The following PLCD3 variants were observed in gnomAD, a reference collection of about 807,000 sequenced individuals.
PLCD3 encodes phospholipase C delta 3.
Under a neutral mutation model 82.8 loss-of-function variants are expected in PLCD3, and 62 were observed. The ratio of observed to expected loss-of-function variants is 0.75; its 90% CI spans 0.61 to 0.93. PLCD3 has a LOEUF of 0.93. Ranked by LOEUF, PLCD3 falls within the 40% of genes least tolerant of loss-of-function variation. The pLI is 0.00. For missense variants in PLCD3, 1,023 were observed against 1,103.4 expected, an observed-to-expected ratio of 0.93 and a Z score of 1.03; for synonymous variants, 478 against 471.8, an observed-to-expected ratio of 1.01 and a Z score of -0.17.
Position 45,118,064 on chromosome 17 carries a change from T to C in PLCD3, c.1190A>G (p.His397Arg), listed in dbSNP as rs779333500. The C allele has an allele frequency of 8.7e-6, 14 of 1,613,818 alleles. No individual in the cohort carries two copies. The highest frequency in any genetic ancestry group is 1.2e-5 in the Non-Finnish European group (14 of 1,179,838). The change falls in exon 7 of 15, where the codon CAT becomes CGT. Residue 397 changes from histidine to arginine, a missense_variant. This residue lies in a region of PLCD3 where 553 missense variants were observed against 655.7 expected (regional missense o/e 0.84). Transcript: ENST00000619929. The surrounding 1 kb of genome is among the most constrained non-coding windows in gnomAD (Gnocchi z 4.1). ...EGPGGEPVIY[H>R]GHTLTSKILF... ...AATCTTGGAGGTGAGGGTATGGCCA[T>C]GATAGATGACGGGCTCCCCTCCTGG...
rs749568520 is a variant in PLCD3 at position 45,120,297 on chromosome 17, G to A, written c.684+28C>T. ...AGAGGTCAGAGTGATGGCAGAGCCA[G>A]GGGCTGGGGTTCAGGGCGGAAGCCC... On this transcript the variant is annotated intron_variant, in intron 4 of 14. Transcript: ENST00000619929. 4 of 1,613,464 alleles carry A rather than the reference G, an allele frequency of 2.5e-6. No homozygotes were observed. The East Asian group carries it at 8.9e-5, about 36-fold the overall frequency.
At position 45,113,027 on chromosome 17, in the gene PLCD3, T is replaced by C. The variant is rs2054259297; in HGVS notation, c.2132-15A>G. 5 of 1,602,172 alleles carry C rather than the reference T, an allele frequency of 3.1e-6. No individual in the cohort carries two copies. The highest frequency in any genetic ancestry group is 4.3e-6 in the Non-Finnish European group (5 of 1,172,548). ...GGGGTTGAAGCCTAGGGCACAGGGA[T>C]GGCAGTCAGAGCCCAGGGGCCCCAG... On this transcript the variant is annotated splice_polypyrimidine_tract_variant and intron_variant, in intron 13 of 14. Transcript: ENST00000619929.
intron 8 of PLCD3, among the ~76,000 whole-genome samples, chr17:45,116,283 T>C (rs2054290887): frequency 6.6e-6 from 1 of 152,024 alleles, no homozygotes; most frequent in African/African-American, 2.4e-5. Flanking sequence ...TTGGCAAGTG[T>C]GGATGGCCGA....
chr17:45,121,349 G>C lies in PLCD3; in HGVS notation c.187C>G (p.Arg63Gly), dbSNP rs1448887089. The change falls in exon 2 of 15, where the codon CGC (arginine) becomes GGC (glycine). Residue 63 changes from arginine to glycine, a missense_variant. Around this residue, in one of 3 missense-constraint regions of PLCD3, gnomAD observed 448 missense variants for 406.3 expected, o/e 1.10. Coordinates refer to ENST00000619929, the MANE Select transcript of PLCD3 (RefSeq NM_133373.5). The part of the protein sequence containing the change: ...KMGLTEDEDV[R>G]AMLRGSRLRK... ...AGCCGGGAGCCCCGCAGCATGGCGCGCACGTCCTCGTCCTCCGTCAGGCCT... is the reference window on the plus strand; with the variant it reads ...AGCCGGGAGCCCCGCAGCATGGCGCCCACGTCCTCGTCCTCCGTCAGGCCT... The C allele has an allele frequency of 4.5e-6, 7 of 1,538,716 alleles. No individual in the cohort carries two copies. Among genetic ancestry groups the C allele is most frequent in the Non-Finnish European group, 6.1e-6 (7 of 1,150,434 alleles).
At chr17:45,126,157 C>A (rs1372479640) in intron 1 of PLCD3, among the ~76,000 whole-genome samples, 6 of 150,260 alleles carry the variant, frequency 4.0e-5, no homozygotes, top group Non-Finnish European at 8.9e-5. Flanking sequence ...CATTCTCCTG[C>A]CTCAGCCTCC....
At position 45,116,715 on chromosome 17, in the gene PLCD3, G is replaced by A. The variant is rs766216648; in HGVS notation, c.1330C>T (p.Arg444Cys). 13 of 1,610,734 alleles carry A rather than the reference G, an allele frequency of 8.1e-6. No individual in the cohort carries two copies. Among genetic ancestry groups the A allele is most frequent in the Admixed American group, 1.7e-5 (1 of 59,796 alleles). ...CGLEQQAAMARHLCTILGDML... is the reference protein window; with the variant it reads ...CGLEQQAAMACHLCTILGDML... Reference sequence around the variant, plus strand: ...TCCCCCAGGATGGTGCAGAGGTGGCGGGCCATGGCAGCCTGCTGCTCCAGC... The same window carrying A: ...TCCCCCAGGATGGTGCAGAGGTGGCAGGCCATGGCAGCCTGCTGCTCCAGC... Residue 444 changes from arginine (R) to cysteine (C), a missense_variant, in exon 8 of 15, where the codon CGC (arginine) becomes TGC (cysteine). By Grantham distance (180) the Arg-to-Cys change is radical (BLOSUM62 -3). Around this residue, in one of 3 missense-constraint regions of PLCD3, gnomAD observed 553 missense variants for 655.7 expected, o/e 0.84. Coordinates refer to ENST00000619929, the MANE Select transcript of PLCD3 (RefSeq NM_133373.5).
chr17:45,121,498 GCT>G, intron 1 of PLCD3, 126 bp from the exon 2 acceptor site: 1 of 1,163,154 alleles, frequency 8.6e-7, no homozygotes, highest in Non-Finnish European at 1.2e-6. Flanking sequence ...CCCACAGTAA[GCT>G]TCCCTCCCCC....
At chr17:45,123,021 A>G (rs894684632) in intron 1 of PLCD3, among the ~76,000 whole-genome samples, 4 of 152,182 alleles carry the variant, frequency 2.6e-5, no homozygotes, top group African/African-American at 7.2e-5. Context: ...ATAAAAATCA[A>G]TAACCCCTGT....
At position 45,115,386 on chromosome 17, in the gene PLCD3, C is replaced by CTCG; in HGVS notation, c.1515_1517dup (p.Asp505dup). 1 of 1,603,054 alleles carries CTCG rather than the reference C, an allele frequency of 6.2e-7. No homozygotes were observed. The highest frequency in any genetic ancestry group is 8.5e-7 in the Non-Finnish European group (1 of 1,175,776). On this transcript the variant is annotated inframe_insertion, in exon 9 of 15. Coordinates refer to ENST00000619929, the MANE Select transcript of PLCD3 (RefSeq NM_133373.5). The stretch of plus-strand genomic sequence containing the variant: ...CAGCCTCCACCTCCTCTTCTTCCTC[C>CTCG]TCGTCATCCTCCTCCTCCTCCTCCC...
Position 45,118,721 on chromosome 17 carries a change from C to G in PLCD3, c.913+94G>C. The stretch of plus-strand genomic sequence containing the variant: ...TCTGGAGGAGGTGAGGTAACCTGCC[C>G]GAGATGATGCCCGCGCCAGCCCGCA... On this transcript the variant is annotated intron_variant, in intron 5 of 14. Coordinates refer to ENST00000619929, the MANE Select transcript of PLCD3 (RefSeq NM_133373.5). This position sits in a 1 kb window ranked among gnomAD's most constrained non-coding sequence, Gnocchi z 4.1. 7.5e-7 allele frequency: 1 copy of G among 1,337,188 alleles called. No homozygotes were observed. Among genetic ancestry groups the G allele is most frequent in the Non-Finnish European group, 1.0e-6 (1 of 988,878 alleles). The allele number at this position is 1,337,188 out of a possible 1,614,324, so 82.8% of individuals were successfully genotyped here. A position where few individuals can be genotyped will look rare whatever the true frequency, so the allele number is the denominator to read the frequency against.
intron 1 of PLCD3, among the ~76,000 whole-genome samples, chr17:45,126,177 A>G (rs1174069292): frequency 2.7e-5 from 4 of 149,086 alleles, no homozygotes; most frequent in East Asian, 2.0e-4. Context: ...CTGAGTAGCT[A>G]GGACTGCAGG....
Position 45,118,419 on chromosome 17 carries a change from G to T in PLCD3, c.987C>A (p.Asp329Glu), listed in dbSNP as rs149100170. The change falls in exon 6 of 15, where the codon GAC becomes GAA. Residue 329 changes from aspartate to glutamate, a missense_variant. This residue lies in a region of PLCD3 where 553 missense variants were observed against 655.7 expected (regional missense o/e 0.84). Coordinates refer to ENST00000619929, the MANE Select transcript of PLCD3 (RefSeq NM_133373.5). The surrounding 1 kb of genome is among the most constrained non-coding windows in gnomAD (Gnocchi z 4.1). ...YLLSPEGAAL[D>E]NTHTCVFQDM... ...CCTGGAACACACACGTGTGGGTGTT[G>T]TCCAAGGCAGCCCCCTCCGGCGACA... The T allele has an allele frequency of 2.1e-4, 342 of 1,614,018 alleles. No homozygotes were observed. The African/African-American group carries it at 3.9e-3, about 18-fold the overall frequency.
In PLCD3 at chr17:45,121,240, C is replaced by T. The variant is rs1361449264; in HGVS notation, c.296G>A (p.Arg99His). The change falls in exon 2 of 15, where the codon CGC (arginine) becomes CAC (histidine). Residue 99 changes from arginine to histidine, a missense_variant. Physicochemically the swap from Arg to His is conservative, Grantham distance 29. This residue lies in a region of PLCD3 where 448 missense variants were observed against 406.3 expected (regional missense o/e 1.10). Coordinates refer to ENST00000619929, the MANE Select transcript of PLCD3 (RefSeq NM_133373.5). ...GTGCTGCGATGGCGCACGCGGGATG[C>T]GCCGCTGGAACCACACGCTCAGGCC... ...EDGLSVWFQR[R>H]IPRAPSQHIF... 2 of 1,590,388 alleles carry T rather than the reference C, an allele frequency of 1.3e-6. No individual in the cohort carries two copies. The highest frequency in any genetic ancestry group is 1.1e-5 in the South Asian group (1 of 89,752).
Position 45,120,980 on chromosome 17 carries a change from T to TCCTCAGCC in PLCD3, c.468_475dup (p.Glu159GlyfsTer12). ...CAGACCGCGCACCCAGCGCTGCGCTTCCTCAGCCGTGGGCGCCGCCAGGTC... is the reference window on the plus strand; with the variant it reads ...CAGACCGCGCACCCAGCGCTGCGCTTCCTCAGCCCCTCAGCCGTGGGCGCCGCCAGGTC... On this transcript the variant is annotated frameshift_variant, in exon 3 of 15. Coordinates refer to ENST00000619929, the MANE Select transcript of PLCD3 (RefSeq NM_133373.5). LOFTEE classifies it high-confidence loss of function. 2.0e-6 allele frequency: 3 copies of TCCTCAGCC among 1,530,108 alleles called. No individual in the cohort carries two copies. The highest frequency in any genetic ancestry group is 1.7e-6 in the Non-Finnish European group (2 of 1,145,492). The allele number at this position is 1,530,108 out of a possible 1,614,324, so 94.8% of individuals were successfully genotyped here. A position where few individuals can be genotyped will look rare whatever the true frequency, so the allele number is the denominator to read the frequency against.
At chr17:45,117,197 A>G (rs1198703983) in intron 7 of PLCD3, among the ~76,000 whole-genome samples, 2 of 152,074 alleles carry the variant, frequency 1.3e-5, no homozygotes, top group Non-Finnish European at 2.9e-5. Context: ...TGCCCACCTC[A>G]GCCTCCCAAA....
In PLCD3 at chr17:45,112,858, C is replaced by A; in HGVS notation, c.2281+5G>T. 1 of 1,612,208 alleles carries A rather than the reference C, an allele frequency of 6.2e-7. No individual in the cohort carries two copies. The highest frequency in any genetic ancestry group is 8.5e-7 in the Non-Finnish European group (1 of 1,179,160). On this transcript the variant is annotated splice_donor_5th_base_variant and intron_variant, in intron 14 of 14. Transcript: ENST00000619929. ...CCCTCTCCATCCCCACCAGCCTCCACCAACCTTGCTTTAGGCTGCTAAGAG... is the reference window on the plus strand; with the variant it reads ...CCCTCTCCATCCCCACCAGCCTCCAACAACCTTGCTTTAGGCTGCTAAGAG...
At chr17:45,120,175 C>G (rs1261426657) in intron 4 of PLCD3, 150 bp downstream of exon 4, 2 of 1,103,692 alleles carry the variant, frequency 1.8e-6, no homozygotes, top group African/African-American at 3.1e-5. Context: ...TAACTAACCC[C>G]AGATGTTGCC....
At chr17:45,119,387 C>T (rs1019589826) in intron 4 of PLCD3, among the ~76,000 whole-genome samples, 1 of 152,180 alleles carries the variant, frequency 6.6e-6, no homozygotes, top group African/African-American at 2.4e-5. Context: ...TGGTGTGCAC[C>T]ACTGCACCTG....
chr17:45,119,478 C>T (rs2054319958), intron 4 of PLCD3, among the ~76,000 whole-genome samples: 1 of 152,170 alleles, frequency 6.6e-6, no homozygotes, highest in Admixed American at 6.5e-5. Flanking sequence ...TCAAGCAATC[C>T]TCCCGCCTAG....
Sources: allele counts gnomAD v4.1 joint callset (sites outside exome capture counted in the v4.1 genomes callset), GRCh38; gene constraint gnomAD v4.1.1; regional missense constraint gnomAD v4.1.1; non-coding constraint Gnocchi (gnomAD v3.1); transcripts MANE v1.5; gene names NCBI Gene and HGNC (gene_info 2026-07-23, HGNC 2026-07-21).